The following ITGAV variants were observed in gnomAD, a reference collection of about 807,000 sequenced individuals.
ITGAV encodes the protein integrin alpha-V.
Under a neutral mutation model 143.8 loss-of-function variants are expected in ITGAV, and 76 were observed. The observed-to-expected ratio is 0.53, with a 90% confidence interval of 0.44 to 0.64. The LOEUF (loss-of-function observed/expected upper bound fraction) is 0.64. Ranked by LOEUF, ITGAV falls within the 30% of genes least tolerant of loss-of-function variation. The probability of loss-of-function intolerance (pLI) is 0.00; values close to 1 mark genes in which losing one functional copy is unlikely to be tolerated. For missense variants in ITGAV, 1,193 were observed against 1,274.7 expected (o/e 0.94, Z 0.98); for synonymous variants, 453 against 446.7 (o/e 1.01, Z -0.18).
At chr2:186,648,118 C>G (rs1458614007) in intron 13 of ITGAV, among the ~76,000 whole-genome samples, 5 of 152,082 alleles carry the variant, frequency 3.3e-5, no homozygotes, top group African/African-American at 1.2e-4. Flanking sequence ...TTTTCTGTTT[C>G]CCTTTGTAAC....
At position 186,640,896 on chromosome 2, in the gene ITGAV, T is replaced by C. The variant is rs753629594; in HGVS notation, c.904-19T>C. 1 of 1,570,692 alleles carries C rather than the reference T, an allele frequency of 6.4e-7. No individual in the cohort carries two copies. Among genetic ancestry groups the C allele is most frequent in the Non-Finnish European group, 8.7e-7 (1 of 1,150,054 alleles). ...AATTGGATGAAATATAAACATTTCATTTTCATCTTTTTATCCAGATGGCTG... is the reference window on the plus strand; with the variant it reads ...AATTGGATGAAATATAAACATTTCACTTTCATCTTTTTATCCAGATGGCTG... On this transcript the variant is annotated intron_variant, in intron 10 of 29. Coordinates refer to ENST00000261023, the MANE Select transcript of ITGAV (RefSeq NM_002210.5).
chr2:186,637,452 G>A (rs188015635), intron 8 of ITGAV, among the ~76,000 whole-genome samples: 236 of 144,878 alleles, frequency 1.6e-3, no homozygotes, highest in Non-Finnish European at 2.8e-3. Flanking sequence ...CTGCACTCCC[G>A]CCCGGGCGAC....
intron 14 of ITGAV, 61 bp downstream of exon 14, chr2:186,649,946 TTAAG>T: frequency 1.8e-6 from 2 of 1,101,650 alleles, no homozygotes; most frequent in Non-Finnish European, 1.3e-6. Context: ...CGTTTTTTAA[TTAAG>T]TGTCAGTGTT....
intron 2 of ITGAV, among the ~76,000 whole-genome samples, chr2:186,610,799 A>G (rs1015982643): frequency 2.6e-5 from 4 of 152,210 alleles, no homozygotes; most frequent in Non-Finnish European, 4.4e-5. Flanking sequence ...TTAATGATCT[A>G]TGTATTTTCA....
intron 13 of ITGAV, among the ~76,000 whole-genome samples, chr2:186,647,411 T>C (rs976969741): frequency 6.6e-6 from 1 of 152,078 alleles, no homozygotes; most frequent in African/African-American, 2.4e-5. Flanking sequence ...AATTTTTGCA[T>C]GGTTTGTAAA....
At chr2:186,663,691 C>A in intron 18 of ITGAV, 77 bp from the exon 19 acceptor site, 3 of 995,444 alleles carry the variant, frequency 3.0e-6, no homozygotes, top group South Asian at 1.4e-5. Context: ...GGCTTAACCA[C>A]ATAGATATTG....
chr2:186,617,738 TTAAA>T (rs1239396606), intron 2 of ITGAV, among the ~76,000 whole-genome samples: 1 of 152,212 alleles, frequency 6.6e-6, no homozygotes, highest in Non-Finnish European at 1.5e-5. Flanking sequence ...ATTTCGATAA[TTAAA>T]TAAAATTATT....
At chr2:186,659,424 A>G (rs1688681153) in intron 18 of ITGAV, among the ~76,000 whole-genome samples, 1 of 152,058 alleles carries the variant, frequency 6.6e-6, no homozygotes, top group Non-Finnish European at 1.5e-5. Context: ...TTTCATATAC[A>G]TGAAATAGGA....
intron 25 of ITGAV, 36 bp downstream of exon 25, chr2:186,668,956 T>A: frequency 1.4e-6 from 2 of 1,467,844 alleles, no homozygotes; most frequent in Non-Finnish European, 1.9e-6. Flanking sequence ...ATTACAATGA[T>A]ATTTCATTGC....
chr2:186,603,924 A>C (rs1311700455), intron 2 of ITGAV, among the ~76,000 whole-genome samples: 1 of 149,930 alleles, frequency 6.7e-6, no homozygotes, highest in Non-Finnish European at 1.5e-5. Flanking sequence ...GAGTGCAGTG[A>C]TGTGATCATG....
At chr2:186,627,625 G>A (rs977327298) in intron 4 of ITGAV, among the ~76,000 whole-genome samples, 23 of 152,254 alleles carry the variant, frequency 1.5e-4, no homozygotes, top group South Asian at 1.0e-3. Context: ...ACTGTGGCTT[G>A]TGGGCCTCTT....
chr2:186,669,589 C>T (rs1689006689), intron 25 of ITGAV, 112 bp from the exon 26 acceptor site: 1 of 709,544 alleles, frequency 1.4e-6, no homozygotes, highest in Non-Finnish European at 2.4e-6. Flanking sequence ...TTCTGTCATA[C>T]TAAATTTTCA....
chr2:186,641,660 C>G (rs1688107413), intron 12 of ITGAV, 72 bp downstream of exon 12: 1 of 1,233,582 alleles, frequency 8.1e-7, no homozygotes, highest in African/African-American at 1.5e-5. Flanking sequence ...GTAAGTCCAT[C>G]TGTAGAAGTC....
At chr2:186,663,681 G>A in intron 18 of ITGAV, 87 bp from the exon 19 acceptor site, 2 of 906,934 alleles carry the variant, frequency 2.2e-6, no homozygotes, top group African/African-American at 1.6e-5. Flanking sequence ...TGTACATATA[G>A]GCTTAACCAC....
chr2:186,666,748 G>A lies in ITGAV; in HGVS notation c.2211G>A (p.Met737Ile). Residue 737 changes from methionine (M) to isoleucine (I), a missense_variant, in exon 22 of 30, where the codon ATG becomes ATA. Transcript: ENST00000261023. ...TCAGTGTGCACCAGCAGTCAGAGAT[G>A]GATACTTCTGTGAAATTTGACTTAC... is the stretch of plus-strand genomic sequence containing the variant. ...LRFSVHQQSE[M>I]DTSVKFDLQI... 1 of 1,581,602 alleles carries A rather than the reference G, an allele frequency of 6.3e-7. No homozygotes were observed. Among genetic ancestry groups the A allele is most frequent in the Non-Finnish European group, 8.6e-7 (1 of 1,166,334 alleles).
Position 186,638,419 on chromosome 2 carries a change from A to T in ITGAV, c.857A>T (p.Tyr286Phe). ...ATTTTTCCTTCACAGGTTTATATTT[A>T]TGATGGGAAGAACATGTCCTCCTTA... ...AARTLGMVYIYDGKNMSSLYN... is the reference protein window; with the variant it reads ...AARTLGMVYIFDGKNMSSLYN... The change falls in exon 10 of 30, where the codon TAT becomes TTT. Residue 286 changes from tyrosine to phenylalanine, a missense_variant. By Grantham distance (22) the Tyr-to-Phe change is conservative. Transcript: ENST00000261023. The T allele has an allele frequency of 6.2e-7, 1 of 1,611,954 alleles. No individual in the cohort carries two copies. The highest frequency in any genetic ancestry group is 8.5e-7 in the Non-Finnish European group (1 of 1,178,542).
At position 186,641,540 on chromosome 2, in the gene ITGAV, G is replaced by A; in HGVS notation, c.1111G>A (p.Gly371Ser). 1 of 1,614,124 alleles carries A rather than the reference G, an allele frequency of 6.2e-7. No homozygotes were observed. Among genetic ancestry groups the A allele is most frequent in the Non-Finnish European group, 8.5e-7 (1 of 1,180,010 alleles). ...TGGATTTGAGGTCTTTGCACGGTTT[G>A]GCAGTGCCATAGCTCCTTTGGGAGA... ...LNGFEVFARF[G>S]SAIAPLGDLD... Residue 371 changes from glycine (G) to serine (S), a missense_variant, in exon 12 of 30, where the codon GGC becomes AGC. Gly to Ser is a moderately conservative substitution (Grantham distance 56, BLOSUM62 0). Coordinates refer to ENST00000261023, the MANE Select transcript of ITGAV (RefSeq NM_002210.5).
intron 17 of ITGAV, among the ~76,000 whole-genome samples, chr2:186,658,580 ACTC>A (rs748795050): frequency 5.3e-5 from 8 of 152,188 alleles, no homozygotes; most frequent in Non-Finnish European, 1.2e-4. Flanking sequence ...ATGAAATAGT[ACTC>A]AACAGTACAA....
chr2:186,673,141 A>C lies in ITGAV; in HGVS notation c.2707-2463A>C, dbSNP rs867266691. 2.9e-4 allele frequency among the ~76,000 whole-genome samples: 44 copies of C among 152,330 alleles called. 1 individual carries two copies. Among genetic ancestry groups the C allele is most frequent in the Middle Eastern group, 3.4e-3 (1 of 294 alleles). ...CAGATTGATTCTTTTGTGTGTGGCT[A>C]TCCACCTGTCTGAGCAACATTTGTT... On this transcript the variant is annotated intron_variant, in intron 26 of 29. Coordinates refer to ENST00000261023, the MANE Select transcript of ITGAV (RefSeq NM_002210.5).
Sources: allele counts gnomAD v4.1 joint callset (sites outside exome capture counted in the v4.1 genomes callset), GRCh38; gene constraint gnomAD v4.1.1; transcripts MANE v1.5; gene names NCBI Gene and HGNC (gene_info 2026-07-23, HGNC 2026-07-21).